Variants in FBXL18 observed in about 807,000 individuals in gnomAD.
FBXL18 encodes F-box/LRR-repeat protein 18.
A neutral mutation model predicts 46.0 loss-of-function variants in FBXL18; 36 were observed. That is an observed-to-expected ratio of 0.78 (90% CI 0.60 to 1.03). FBXL18 has a LOEUF of 1.03. Among genes scored for constraint, FBXL18 ranks in the 50% least tolerant of loss-of-function variants. FBXL18 has a pLI of 0.00. For synonymous variants in FBXL18, 557 were observed against 465.3 expected, an observed-to-expected ratio of 1.20 and a Z score of -2.54; for missense variants, 977 against 1,004.1, an observed-to-expected ratio of 0.97 and a Z score of 0.36.
Position 5,476,459 on chromosome 7 carries a change from T to C in FBXL18, c.*5316A>G, listed in dbSNP as rs1278699383. 1 of 152,098 alleles carries C rather than the reference T, an allele frequency of 6.6e-6. No individual in the cohort carries two copies. The allele number at this position is 152,098 out of a possible 1,614,324, so 9.4% of individuals were successfully genotyped here. ...TCCCGTAAACCGACCCCTTCAGCGTTTCTGCTTTTTGTTGTTTGTTTTCTG... is the reference window on the plus strand; with the variant it reads ...TCCCGTAAACCGACCCCTTCAGCGTCTCTGCTTTTTGTTGTTTGTTTTCTG... On this transcript the variant is annotated 3_prime_UTR_variant, in exon 5 of 5. Coordinates refer to ENST00000382368, the MANE Select transcript of FBXL18 (RefSeq NM_024963.6).
chr7:5,467,388 A>C (rs1264674070), intron 4 of FBXL18, among the ~76,000 whole-genome samples: 2 of 150,438 alleles, frequency 1.3e-5, no homozygotes, highest in African/African-American at 2.4e-5. Flanking sequence ...AATAAATAAA[A>C]ATAAAAAATT....
chr7:5,506,394 G>GACTGCCA (rs1784396250), intron 1 of FBXL18, among the ~76,000 whole-genome samples: 1 of 151,518 alleles, frequency 6.6e-6, no homozygotes, highest in Non-Finnish European at 1.5e-5. Flanking sequence ...GATTACAGGC[G>GACTGCCA]ACTGCCACCA....
At chr7:5,495,077 G>A (rs182938959) in intron 3 of FBXL18, among the ~76,000 whole-genome samples, 5 of 152,250 alleles carry the variant, frequency 3.3e-5, no homozygotes, top group Non-Finnish European at 5.9e-5. Flanking sequence ...GACCTGACTC[G>A]AGTGACCGGC....
At chr7:5,482,488 T>G (rs1243942546) in intron 4 of FBXL18, among the ~76,000 whole-genome samples, 6 of 151,500 alleles carry the variant, frequency 4.0e-5, no homozygotes, top group African/African-American at 7.3e-5. Context: ...AAATGGCAGG[T>G]AGGCGACCCC....
chr7:5,505,386 C>T, intron 2 of FBXL18, 26 bp downstream of exon 2: 1 of 1,605,190 alleles, frequency 6.2e-7, no homozygotes, highest in Non-Finnish European at 8.5e-7. Context: ...GCTTGTTTCT[C>T]ATCTCCTGCC....
At position 5,505,994 on chromosome 7, in the gene FBXL18, A is replaced by G. The variant is rs4724706; in HGVS notation, c.19-364T>C. ...ATTCTCCTGCCTCAGCCTCCCAAGC[A>G]GCTGGGACTACAGACGCATGCCACT... is the stretch of plus-strand genomic sequence containing the variant. On this transcript the variant is annotated intron_variant, in intron 1 of 4. Coordinates refer to ENST00000382368, the MANE Select transcript of FBXL18 (RefSeq NM_024963.6). 1.8e-4 allele frequency among the ~76,000 whole-genome samples: 27 copies of G among 152,214 alleles called. 1 individual carries two copies. The East Asian group carries it at 4.5e-3, about 25-fold the overall frequency.
chr7:5,462,496 C>T (rs1035589301), intron 4 of FBXL18, among the ~76,000 whole-genome samples: 5 of 152,082 alleles, frequency 3.3e-5, no homozygotes, highest in Non-Finnish European at 7.4e-5. Context: ...AGGGAGGCCC[C>T]GGGCTGGGTC....
intron 2 of FBXL18, among the ~76,000 whole-genome samples, chr7:5,504,260 C>T (rs1002709520): frequency 6.6e-6 from 1 of 151,360 alleles, no homozygotes; most frequent in Non-Finnish European, 1.5e-5. Flanking sequence ...TGAAACCCTG[C>T]CTCTGCTAAA....
In FBXL18 at chr7:5,484,186, G is replaced by A. The variant is rs562438561; in HGVS notation, c.2001-2255C>T. On this transcript the variant is annotated intron_variant, in intron 4 of 4. Coordinates refer to ENST00000382368, the MANE Select transcript of FBXL18 (RefSeq NM_024963.6). Reference sequence around the variant, plus strand: ...GTGAGGCTGTTAAGGAGCTGCTGTCGGCTGGCCGTGGTGGCTCACGCCTGT... The same window carrying A: ...GTGAGGCTGTTAAGGAGCTGCTGTCAGCTGGCCGTGGTGGCTCACGCCTGT... 1.3e-3 allele frequency among the ~76,000 whole-genome samples: 202 copies of A among 152,290 alleles called. 1 individual carries two copies. Among genetic ancestry groups the A allele is most frequent in the African/African-American group, 4.7e-3 (195 of 41,564 alleles).
intron 4 of FBXL18, among the ~76,000 whole-genome samples, chr7:5,490,644 G>A (rs1362216490): frequency 6.6e-6 from 1 of 152,142 alleles, no homozygotes; most frequent in African/African-American, 2.4e-5. Context: ...CCAAACAACG[G>A]GCAGAGATGT....
downstream of FBXL18, among the ~76,000 whole-genome samples, chr7:5,474,225 G>T (rs1226622523): frequency 6.6e-6 from 1 of 152,078 alleles, no homozygotes; most frequent in African/African-American, 2.4e-5. Flanking sequence ...TTTCAGTTGG[G>T]AAAGATGAGA....
At chr7:5,485,389 G>GT (rs1426744343) in intron 4 of FBXL18, among the ~76,000 whole-genome samples, 4 of 152,208 alleles carry the variant, frequency 2.6e-5, no homozygotes, top group Non-Finnish European at 5.9e-5. Context: ...TTTGGGAAAA[G>GT]TTAAGATCCT....
intron 4 of FBXL18, among the ~76,000 whole-genome samples, chr7:5,482,610 C>T (rs1413478340): frequency 4.6e-5 from 7 of 151,434 alleles, no homozygotes; most frequent in African/African-American, 7.3e-5. Context: ...TTGAGCTCGA[C>T]AGACATGACC....
At chr7:5,457,409 C>T (rs539150913) in intron 4 of FBXL18, among the ~76,000 whole-genome samples, 7 of 152,266 alleles carry the variant, frequency 4.6e-5, no homozygotes, top group Non-Finnish European at 7.4e-5. Context: ...GGATCAAGCT[C>T]GACCTGAAGC....
In FBXL18 at chr7:5,476,403, A is replaced by T. The variant is rs968678390; in HGVS notation, c.*5372T>A. ...ATTCCCAGGTCCACTGATCTGGGGTAGGAGTAGCCAAGTGTTCTGACAGGC... is the reference window on the plus strand; with the variant it reads ...ATTCCCAGGTCCACTGATCTGGGGTTGGAGTAGCCAAGTGTTCTGACAGGC... On this transcript the variant is annotated 3_prime_UTR_variant, in exon 5 of 5. Transcript: ENST00000382368. The T allele has an allele frequency of 6.6e-6, 1 of 152,170 alleles. No homozygotes were observed. Among genetic ancestry groups the T allele is most frequent in the African/African-American group, 2.4e-5 (1 of 41,430 alleles). 9.4% of individuals were successfully genotyped at this position (152,170 alleles called of 1,614,324 possible).
At chr7:5,485,623 G>A (rs1024905629) in intron 4 of FBXL18, among the ~76,000 whole-genome samples, 11 of 151,968 alleles carry the variant, frequency 7.2e-5, no homozygotes, top group Non-Finnish European at 1.3e-4. Flanking sequence ...AGACCACCCC[G>A]GGGGCTAGGC....
At chr7:5,459,585 A>G (rs780705692) in intron 4 of FBXL18, among the ~76,000 whole-genome samples, 76 of 152,036 alleles carry the variant, frequency 5.0e-4, no homozygotes, top group Non-Finnish European at 6.3e-4. Context: ...CTAAAAATAC[A>G]AAAAATTAGC....
intron 3 of FBXL18, among the ~76,000 whole-genome samples, chr7:5,494,272 CAA>C (rs1171789679): frequency 6.8e-5 from 8 of 118,224 alleles, no homozygotes; most frequent in Admixed American, 9.0e-5. Flanking sequence ...AACTCCATCT[CAA>C]AAAAAAAAAA....
intron 3 of FBXL18, among the ~76,000 whole-genome samples, chr7:5,495,221 A>G (rs890300773): frequency 2.3e-4 from 35 of 152,106 alleles, no homozygotes; most frequent in African/African-American, 8.4e-4. Context: ...GTGGGCATGA[A>G]AGGTGCTGAG....
Sources: allele counts gnomAD v4.1 joint callset (sites outside exome capture counted in the v4.1 genomes callset), GRCh38; gene constraint gnomAD v4.1.1; transcripts MANE v1.5; gene names NCBI Gene and HGNC (gene_info 2026-07-23, HGNC 2026-07-21).